Variants in EFCAB10 observed in about 807,000 individuals in gnomAD.
EFCAB10 encodes the protein EF-hand calcium binding domain 10, also known as EF-hand calcium-binding domain-containing protein 10.
A neutral mutation model predicts 7.7 loss-of-function variants in EFCAB10; 7 were observed. The ratio of observed to expected loss-of-function variants is 0.91; its 90% CI spans 0.52 to 1.72. The LOEUF (loss-of-function observed/expected upper bound fraction) is 1.72, where lower values mean the gene tolerates loss of function less well. EFCAB10 is among the 40% of genes most tolerant of loss of function. The pLI, the probability that EFCAB10 is intolerant of heterozygous loss-of-function variation, is 0.00. For missense variants in EFCAB10, 112 were observed against 61.5 expected (o/e 1.82, Z -2.74); for synonymous variants, 52 against 21.0 (o/e 2.47, Z -4.03).
chr7:105,575,629 T>G (rs992488446), intron 1 of EFCAB10, among the ~76,000 whole-genome samples: 2 of 152,186 alleles, frequency 1.3e-5, no homozygotes, highest in Admixed American at 6.5e-5. Flanking sequence ...GAATTCAGAA[T>G]GGGGGACTGC....
chr7:105,574,986 G>A (rs1348431338), intron 1 of EFCAB10, among the ~76,000 whole-genome samples: 27 of 150,218 alleles, frequency 1.8e-4, no homozygotes, highest in East Asian at 1.4e-3. Context: ...ATAGTGGTGC[G>A]TGCCTGTAAT....
chr7:105,568,673 C>G (rs1394545554), intron 3 of EFCAB10, among the ~76,000 whole-genome samples: 1 of 152,002 alleles, frequency 6.6e-6, no homozygotes, highest in Non-Finnish European at 1.5e-5. Flanking sequence ...GCTGGCTGGG[C>G]ACAGCCCATT....
intron 1 of EFCAB10, among the ~76,000 whole-genome samples, chr7:105,574,845 C>T (rs1792035781): frequency 6.7e-6 from 1 of 149,818 alleles, no homozygotes; most frequent in African/African-American, 2.5e-5. Flanking sequence ...CCTGTAGCTT[C>T]AGCACTTTGG....
intron 1 of EFCAB10, chr7:105,572,441 C>A (rs1277813103): frequency 1.3e-5 from 2 of 152,174 alleles, no homozygotes; most frequent in Non-Finnish European, 2.9e-5. Context: ...TCCATGGACA[C>A]TTAGGCTGAT....
intron 1 of EFCAB10, chr7:105,571,612 C>CT (rs1448916522): frequency 6.6e-6 from 1 of 152,194 alleles, no homozygotes; most frequent in Non-Finnish European, 1.5e-5. Context: ...AGAATGATAG[C>CT]ATCTGCTTAT....
At chr7:105,568,265 C>T (rs1434027473) in intron 3 of EFCAB10, among the ~76,000 whole-genome samples, 4 of 151,984 alleles carry the variant, frequency 2.6e-5, no homozygotes, top group Admixed American at 2.0e-4. Flanking sequence ...TTTCCTTGTC[C>T]TTGGGGTATA....
At chr7:105,579,882 C>T (rs1386805254) in intron 1 of EFCAB10, among the ~76,000 whole-genome samples, 2 of 152,204 alleles carry the variant, frequency 1.3e-5, no homozygotes, top group African/African-American at 4.8e-5. Flanking sequence ...AAACCCCATA[C>T]ATCCACTTCA....
intron 1 of EFCAB10, among the ~76,000 whole-genome samples, chr7:105,580,553 C>T (rs1282585304): frequency 6.6e-6 from 1 of 151,174 alleles, no homozygotes; most frequent in Non-Finnish European, 1.5e-5. Flanking sequence ...CGTGCCCGGC[C>T]TTTTTTTTTC....
At chr7:105,570,851 C>T (rs146767805) in intron 1 of EFCAB10, among the ~76,000 whole-genome samples, 74 of 152,112 alleles carry the variant, frequency 4.9e-4, no homozygotes, top group African/African-American at 1.6e-3. Context: ...GGTGAAACCC[C>T]GTTCTCTACT....
chr7:105,581,313 A>G, intron 1 of EFCAB10, 45 bp downstream of exon 1: 2 of 696,980 alleles, frequency 2.9e-6, no homozygotes, highest in Non-Finnish European at 5.2e-6. Flanking sequence ...TGGGAAGCGA[A>G]CCCCACATGG....
chr7:105,575,872 T>G (rs986583345), intron 1 of EFCAB10, among the ~76,000 whole-genome samples: 1 of 152,026 alleles, frequency 6.6e-6, no homozygotes, highest in African/African-American at 2.4e-5. Context: ...ACCCCATCTC[T>G]ACTAAAAATA....
At chr7:105,580,242 C>A (rs1383803796) in intron 1 of EFCAB10, among the ~76,000 whole-genome samples, 1 of 152,116 alleles carries the variant, frequency 6.6e-6, no homozygotes, top group East Asian at 1.9e-4. Context: ...CCCACCACAG[C>A]CTCCCAGAGC....
At chr7:105,581,300 G>T (rs1008504611) in intron 1 of EFCAB10, 58 bp downstream of exon 1, 1 of 691,552 alleles carries the variant, frequency 1.4e-6, no homozygotes, top group Non-Finnish European at 2.7e-6. Context: ...GGGGGGTTTC[G>T]TGTGGGAAGC....
In EFCAB10 at chr7:105,579,130, A is replaced by G. The variant is rs575689638; in HGVS notation, c.106+2228T>C. Among the ~76,000 whole-genome samples the G allele has an allele frequency of 3.3e-5, 5 of 152,278 alleles. No individual in the cohort carries two copies. In the South Asian group the frequency reaches 1.0e-3, roughly 32 times the overall value. On this transcript the variant is annotated intron_variant, in intron 1 of 4. Transcript: ENST00000480514. Reference sequence around the variant, plus strand: ...ATTTTTATATACGTGTGTTCCCAAAATCTTTACCCCTCAAAGCACGCTCTC... The same window carrying G: ...ATTTTTATATACGTGTGTTCCCAAAGTCTTTACCCCTCAAAGCACGCTCTC...
chr7:105,572,851 CCTTT>C (rs1791984559), intron 1 of EFCAB10: 1 of 152,056 alleles, frequency 6.6e-6, no homozygotes, highest in Non-Finnish European at 1.5e-5. Context: ...TTGATAACAG[CCTTT>C]CTAACAGGTG....
chr7:105,569,564 T>C lies in EFCAB10; in HGVS notation c.114A>G (p.Pro38=). The change falls in exon 2 of 5, where the codon CCA becomes CCG. Residue 38 remains proline, a synonymous_variant. Coordinates refer to ENST00000480514, the MANE Select transcript of EFCAB10 (RefSeq NM_001355526.2). The stretch of plus-strand genomic sequence containing the variant: ...CCAATAGAGATATTAAATATTCTTT[T>C]GGTTTTTCTGCAAAAGAATAGTTCC... ...SALLFFRPEK[P]KEYLISLLER... 2.9e-6 allele frequency: 2 copies of C among 690,666 alleles called. No homozygotes were observed. Among genetic ancestry groups the C allele is most frequent in the Non-Finnish European group, 5.2e-6 (2 of 382,110 alleles). The allele number at this position is 690,666 out of a possible 1,614,324, so 42.8% of individuals were successfully genotyped here. A position where few individuals can be genotyped will look rare whatever the true frequency, so the allele number is the denominator to read the frequency against.
At chr7:105,581,051 C>T (rs1440563208) in intron 1 of EFCAB10, among the ~76,000 whole-genome samples, 2 of 152,146 alleles carry the variant, frequency 1.3e-5, no homozygotes, top group Non-Finnish European at 2.9e-5. Context: ...GAAACCCTGT[C>T]GCTACTAAAA....
intron 1 of EFCAB10, chr7:105,571,895 G>A (rs1371916033): frequency 6.6e-6 from 1 of 152,098 alleles, no homozygotes; most frequent in Non-Finnish European, 1.5e-5. Flanking sequence ...CATTGACATG[G>A]TTAAATTCCC....
chr7:105,573,952 T>G (rs1792007253), intron 1 of EFCAB10, among the ~76,000 whole-genome samples: 1 of 152,084 alleles, frequency 6.6e-6, no homozygotes, highest in African/African-American at 2.4e-5. Context: ...ACTCTACCAC[T>G]CCCACAGCAA....
Sources: gnomAD v4.1 joint callset for allele counts (sites outside exome capture counted in the v4.1 genomes callset) on GRCh38, gnomAD v4.1.1 for gene constraint, MANE v1.5 for transcripts, NCBI Gene and HGNC (gene_info 2026-07-23, HGNC 2026-07-21) for gene names.